The following KPNA3 variants were observed in gnomAD, a reference collection of about 807,000 sequenced individuals.
The protein encoded by KPNA3 is karyopherin subunit alpha 3.
A neutral mutation model predicts 73.8 loss-of-function variants in KPNA3; 13 were observed. That is an observed-to-expected ratio of 0.18 (90% CI 0.11 to 0.28). KPNA3 has a LOEUF of 0.28. KPNA3 is among the 10% of genes least tolerant of loss of function. The pLI is 1.00. For synonymous variants in KPNA3, 186 were observed against 206.9 expected, an observed-to-expected ratio of 0.90 and a Z score of 0.87; for missense variants, 360 against 618.1, an observed-to-expected ratio of 0.58 and a Z score of 4.43.
intron 1 of KPNA3, among the ~76,000 whole-genome samples, chr13:49,791,918 C>T (rs910250792): frequency 9.2e-5 from 14 of 152,248 alleles, no homozygotes; most frequent in Non-Finnish European, 1.9e-4. Flanking sequence ...GTCCCCACCC[C>T]CCTCTGCGGG....
intron 1 of KPNA3, among the ~76,000 whole-genome samples, chr13:49,787,740 T>C (rs1954995944): frequency 6.7e-6 from 1 of 148,982 alleles, no homozygotes; most frequent in Admixed American, 6.8e-5. Context: ...AGTGCAGTGG[T>C]GCGATCTTGA....
At chr13:49,735,761 CT>C (rs1954516421) in intron 2 of KPNA3, among the ~76,000 whole-genome samples, 1 of 152,120 alleles carries the variant, frequency 6.6e-6, no homozygotes, top group African/African-American at 2.4e-5. Context: ...ATGTATCTAC[CT>C]AGCCCTTTTG....
chr13:49,752,258 T>C (rs954945734), intron 1 of KPNA3, among the ~76,000 whole-genome samples: 2 of 151,800 alleles, frequency 1.3e-5, no homozygotes, highest in Admixed American at 6.6e-5. Context: ...CCTCAGAAAA[T>C]AGGATGCCAA....
Position 49,792,469 on chromosome 13 carries a change from T to C in KPNA3, c.38A>G (p.Lys13Arg), listed in dbSNP as rs773540519. 6.3e-7 allele frequency: 1 copy of C among 1,583,384 alleles called. No homozygotes were observed. Among genetic ancestry groups the C allele is most frequent in the Non-Finnish European group, 8.6e-7 (1 of 1,166,492 alleles). Reference protein sequence around the residue: ...ENPSLENHRIKSFKNKGRDVE... With the variant: ...ENPSLENHRIRSFKNKGRDVE... ...ATCGCGGCCCTTGTTCTTGAAGCTC[T>C]TGATGCGGTGGTTCTCCAAGCTGGG... is the stretch of plus-strand genomic sequence containing the variant. The change falls in exon 1 of 17, where the codon AAG becomes AGG. Residue 13 changes from lysine (K) to arginine (R), a missense_variant. Transcript: ENST00000261667.
chr13:49,740,128 T>A (rs1954560060), intron 2 of KPNA3, among the ~76,000 whole-genome samples: 1 of 151,874 alleles, frequency 6.6e-6, no homozygotes, highest in Admixed American at 6.6e-5. Context: ...GGTGAGCACC[T>A]GTGGTCTCAG....
intron 1 of KPNA3, among the ~76,000 whole-genome samples, chr13:49,775,165 AAAAAAAAAAAAAAAAAAAAAAG>A (rs1376914148): frequency 2.0e-5 from 1 of 50,196 alleles, no homozygotes; most frequent in Non-Finnish European, 4.5e-5. Context: ...TCTGTCTCAA[AAAAAAAAAAAAAAAAAAAAAAG>A]AAAAAAGAAA....
At chr13:49,722,225 T>C in intron 8 of KPNA3, 101 bp from the exon 9 acceptor site, 1 of 838,372 alleles carries the variant, frequency 1.2e-6, no homozygotes, top group Non-Finnish European at 1.8e-6. Context: ...GTTCTATGTT[T>C]CCTCACCATT....
intron 1 of KPNA3, among the ~76,000 whole-genome samples, chr13:49,775,870 A>G (rs1386806695): frequency 1.3e-5 from 2 of 152,182 alleles, no homozygotes; most frequent in Admixed American, 6.5e-5. Context: ...TTCAGTGACA[A>G]TGCTTTTTGT....
At chr13:49,730,892 T>A (rs1285466922) in intron 6 of KPNA3, among the ~76,000 whole-genome samples, 1 of 150,886 alleles carries the variant, frequency 6.6e-6, no homozygotes, top group African/African-American at 2.4e-5. Flanking sequence ...TTCTCCTGCC[T>A]CAGCCTCCCA....
At chr13:49,789,085 T>C (rs1031481359) in intron 1 of KPNA3, among the ~76,000 whole-genome samples, 2 of 152,182 alleles carry the variant, frequency 1.3e-5, no homozygotes, top group Non-Finnish European at 2.9e-5. Context: ...TTCTAGGTAT[T>C]ACTGCCCTGT....
intron 2 of KPNA3, among the ~76,000 whole-genome samples, chr13:49,736,147 G>A (rs1954519381): frequency 6.6e-6 from 1 of 151,966 alleles, no homozygotes; most frequent in South Asian, 2.1e-4. Context: ...CTTGGGTTTT[G>A]TTTTGTTTTT....
intron 12 of KPNA3, among the ~76,000 whole-genome samples, chr13:49,707,779 T>C (rs1238804726): frequency 6.6e-6 from 1 of 152,132 alleles, no homozygotes; most frequent in African/African-American, 2.4e-5. Context: ...CTCTGGCTTC[T>C]TTGTCTTCAC....
chr13:49,719,628 C>T, intron 10 of KPNA3, 147 bp downstream of exon 10: 1 of 660,596 alleles, frequency 1.5e-6, no homozygotes, highest in Non-Finnish European at 2.6e-6. Context: ...AGCTATAAAC[C>T]TAATTTAAGC....
chr13:49,770,835 A>C (rs1207130254), intron 1 of KPNA3, among the ~76,000 whole-genome samples: 1 of 132,604 alleles, frequency 7.5e-6, no homozygotes, highest in Non-Finnish European at 1.6e-5. Flanking sequence ...CCCACCTACC[A>C]AAAAAAAAAA....
intron 10 of KPNA3, among the ~76,000 whole-genome samples, chr13:49,716,585 C>T (rs1203539473): frequency 6.6e-6 from 1 of 152,020 alleles, no homozygotes; most frequent in African/African-American, 2.4e-5. Context: ...ATTACAGGCA[C>T]GCATCATGAT....
chr13:49,781,481 T>C (rs942573004), intron 1 of KPNA3, among the ~76,000 whole-genome samples: 1 of 147,082 alleles, frequency 6.8e-6, no homozygotes, highest in Non-Finnish European at 1.5e-5. Context: ...AGGTTATTCT[T>C]ATAAACACAG....
chr13:49,714,022 T>C (rs1954284328), intron 10 of KPNA3, among the ~76,000 whole-genome samples: 2 of 152,146 alleles, frequency 1.3e-5, no homozygotes, highest in Admixed American at 1.3e-4. Flanking sequence ...ACAAAATTTC[T>C]AAAAAGTTAA....
intron 1 of KPNA3, among the ~76,000 whole-genome samples, chr13:49,756,104 C>CA (rs199653582): frequency 3.3e-5 from 5 of 151,354 alleles, no homozygotes; most frequent in South Asian, 2.1e-4. Context: ...CTCATCTCTA[C>CA]AAAAAAAAGC....
intron 14 of KPNA3, 141 bp from the exon 15 acceptor site, chr13:49,705,924 G>C (rs1420752531): frequency 1.7e-5 from 16 of 966,684 alleles, no homozygotes; most frequent in Non-Finnish European, 2.1e-5. Context: ...GGTCATGCCT[G>C]TGAATAGCAA....
Sources: gnomAD v4.1 joint callset for allele counts (sites outside exome capture counted in the v4.1 genomes callset) on GRCh38, gnomAD v4.1.1 for gene constraint, MANE v1.5 for transcripts, NCBI Gene and HGNC (gene_info 2026-07-23, HGNC 2026-07-21) for gene names.